Variants in ARB2A observed in about 807,000 individuals in gnomAD.
ARB2A encodes the protein cotranscriptional regulator ARB2A.
the ARB2A span, among the ~76,000 whole-genome samples, chr5:93,688,837 ACT>A: frequency 6.6e-6 from 1 of 152,260 alleles, no homozygotes; most frequent in South Asian, 2.1e-4. Context: ...TTCAGGACCC[ACT>A]GAGTTTCCTA....
the ARB2A span, among the ~76,000 whole-genome samples, chr5:93,949,981 G>C: frequency 6.6e-6 from 1 of 152,094 alleles, no homozygotes; most frequent in Admixed American, 6.5e-5. Context: ...TTCTGTGCCT[G>C]GATTATTTCA....
chr5:93,638,515 G>C, the ARB2A span, among the ~76,000 whole-genome samples: 1 of 151,924 alleles, frequency 6.6e-6, no homozygotes, highest in Admixed American at 6.6e-5. Flanking sequence ...ACTTGTTGTT[G>C]GCATATAGAA....
the ARB2A span, among the ~76,000 whole-genome samples, chr5:93,659,446 A>C: frequency 6.6e-6 from 1 of 152,164 alleles, no homozygotes; most frequent in Non-Finnish European, 1.5e-5. Context: ...TGGCAATACC[A>C]TAATACAGTG....
the ARB2A span, among the ~76,000 whole-genome samples, chr5:93,879,815 T>A: frequency 1.3e-5 from 2 of 151,926 alleles, no homozygotes; most frequent in African/African-American, 4.8e-5. Context: ...GAAATAAACC[T>A]AATATACAAT....
chr5:93,909,945 T>C, the ARB2A span, among the ~76,000 whole-genome samples: 164 of 151,022 alleles, frequency 1.1e-3, 1 homozygote, highest in African/African-American at 3.1e-3. Flanking sequence ...ATGAAAAAGA[T>C]TGCACATAAA....
At chr5:94,075,694 C>T in the ARB2A span, among the ~76,000 whole-genome samples, 1 of 152,018 alleles carries the variant, frequency 6.6e-6, no homozygotes, top group Non-Finnish European at 1.5e-5. Context: ...TTTCAGTTTC[C>T]GTTCAGCAGT....
chr5:93,878,898 AT>A, the ARB2A span, among the ~76,000 whole-genome samples: 1 of 152,182 alleles, frequency 6.6e-6, no homozygotes, highest in Non-Finnish European at 1.5e-5. Context: ...CAACAAGTAG[AT>A]TTATTATCTA....
chr5:93,736,559 A>G, the ARB2A span: 1 of 152,202 alleles, frequency 6.6e-6, no homozygotes. Flanking sequence ...GAGATCCCTC[A>G]AAACAGAAAA....
chr5:94,012,596 G>T, the ARB2A span, among the ~76,000 whole-genome samples: 1 of 152,164 alleles, frequency 6.6e-6, no homozygotes, highest in Admixed American at 6.5e-5. Context: ...TGCTAAATCA[G>T]CGGAACCTCA....
At chr5:93,778,988 C>T in the ARB2A span, among the ~76,000 whole-genome samples, 28 of 152,086 alleles carry the variant, frequency 1.8e-4, no homozygotes, top group South Asian at 5.6e-3. Flanking sequence ...AAAAACTGGA[C>T]AGAAGTTTAA....
chr5:93,966,357 A>G, the ARB2A span, among the ~76,000 whole-genome samples: 1 of 152,116 alleles, frequency 6.6e-6, no homozygotes, highest in Non-Finnish European at 1.5e-5. Flanking sequence ...CTGACCTTAC[A>G]AAAAGAAAAA....
chr5:93,976,576 A>G, the ARB2A span, among the ~76,000 whole-genome samples: 89 of 152,234 alleles, frequency 5.8e-4, 1 homozygote, highest in African/African-American at 2.0e-3. Context: ...GTGAATTTTC[A>G]TGAGATCTGA....
the ARB2A span, among the ~76,000 whole-genome samples, chr5:93,952,792 C>G: frequency 6.6e-6 from 1 of 152,128 alleles, no homozygotes; most frequent in East Asian, 1.9e-4. Context: ...TCTTTATGGT[C>G]AATAACTCTT....
At chr5:93,932,158 T>G in the ARB2A span, among the ~76,000 whole-genome samples, 1 of 152,212 alleles carries the variant, frequency 6.6e-6, no homozygotes, top group African/African-American at 2.4e-5. Flanking sequence ...TGTACATACT[T>G]ATTAACAACA....
chr5:93,779,369 C>T, the ARB2A span, among the ~76,000 whole-genome samples: 4 of 152,102 alleles, frequency 2.6e-5, no homozygotes, highest in African/African-American at 7.2e-5. Flanking sequence ...TCTTTTGGTG[C>T]TTTTCTAATA....
At chr5:93,638,393 G>A in the ARB2A span, among the ~76,000 whole-genome samples, 1 of 152,178 alleles carries the variant, frequency 6.6e-6, no homozygotes, top group African/African-American at 2.4e-5. Flanking sequence ...GTGGAAAATT[G>A]ACATCTTTAT....
At chr5:93,937,597 G>C in the ARB2A span, among the ~76,000 whole-genome samples, 1 of 151,644 alleles carries the variant, frequency 6.6e-6, no homozygotes, top group Admixed American at 6.6e-5. Flanking sequence ...GGTGACAGAG[G>C]GAGACTCCAT....
At chr5:93,933,459 G>A in the ARB2A span, among the ~76,000 whole-genome samples, 29 of 152,114 alleles carry the variant, frequency 1.9e-4, no homozygotes, top group African/African-American at 6.8e-4. Context: ...ACACCATGGA[G>A]TACTATGCAG....
At chr5:93,842,426 G>C in the ARB2A span, among the ~76,000 whole-genome samples, 36 of 152,296 alleles carry the variant, frequency 2.4e-4, 1 homozygote, top group Admixed American at 2.3e-3. Flanking sequence ...AAATACTTAT[G>C]ATCTCAGTTC....
Sources: gnomAD v4.1 joint callset for allele counts (sites outside exome capture counted in the v4.1 genomes callset) on GRCh38, gnomAD v4.1.1 for gene constraint, MANE v1.5 for transcripts, NCBI Gene and HGNC (gene_info 2026-07-23, HGNC 2026-07-21) for gene names.